RAB8B: variants seen among roughly 807,000 people sequenced by gnomAD.
The protein encoded by RAB8B is ras-related protein Rab-8B.
In RAB8B, 11 loss-of-function variants were observed where a neutral mutation model predicts 32.0. The ratio of observed to expected loss-of-function variants is 0.34; its 90% CI spans 0.22 to 0.57. RAB8B has a LOEUF of 0.57. RAB8B is among the 20% of genes least tolerant of loss of function. The pLI is 0.86. For synonymous variants in RAB8B, 103 were observed against 89.6 expected, an observed-to-expected ratio of 1.15 and a Z score of -0.85; for missense variants, 190 against 258.5, an observed-to-expected ratio of 0.73 and a Z score of 1.82.
Position 63,202,407 on chromosome 15 carries a change from A to G in RAB8B, c.124+12659A>G, listed in dbSNP as rs1022716125. Reference sequence around the variant, plus strand: ...TAATAGCTAATGCAAACATGCATCAAGTTCCCTCTTGGCCCCCAGAGGTCA... The same window carrying G: ...TAATAGCTAATGCAAACATGCATCAGGTTCCCTCTTGGCCCCCAGAGGTCA... On this transcript the variant is annotated intron_variant, in intron 1 of 7. Coordinates refer to ENST00000321437, the MANE Select transcript of RAB8B (RefSeq NM_016530.3). 7.9e-5 allele frequency among the ~76,000 whole-genome samples: 12 copies of G among 152,242 alleles called. No homozygotes were observed. The South Asian group carries it at 2.3e-3, about 29-fold the overall frequency.
intron 1 of RAB8B, 127 bp downstream of exon 1, chr15:63,189,875 G>C (rs891096424): frequency 8.8e-7 from 1 of 1,133,080 alleles, no homozygotes; most frequent in Admixed American, 3.6e-5. Flanking sequence ...GGTGGCGGGG[G>C]CACTGAGAGG....
chr15:63,237,163 A>T (rs1052496926), intron 1 of RAB8B, among the ~76,000 whole-genome samples: 1 of 152,210 alleles, frequency 6.6e-6, no homozygotes, highest in African/African-American at 2.4e-5. Context: ...GGATGCTTAG[A>T]TTGCTTCCAA....
At position 63,267,739 on chromosome 15, in the gene RAB8B, G is replaced by A. The variant is rs1057109050; in HGVS notation, c.*4120G>A. Reference sequence around the variant, plus strand: ...AGGTGAACTTTTTTTTTATAATAATGTTCGTCTAAAATAAAAACTACATAA... The same window carrying A: ...AGGTGAACTTTTTTTTTATAATAATATTCGTCTAAAATAAAAACTACATAA... On this transcript the variant is annotated 3_prime_UTR_variant, in exon 8 of 8. Transcript: ENST00000321437. The A allele has an allele frequency of 1.3e-5, 2 of 151,770 alleles. No individual in the cohort carries two copies. The highest frequency in any genetic ancestry group is 4.8e-5 in the African/African-American group (2 of 41,292). 9.4% of individuals were successfully genotyped at this position (151,770 alleles called of 1,614,324 possible).
chr15:63,249,756 A>G (rs762546552), intron 3 of RAB8B, 51 bp downstream of exon 3: 4 of 1,545,678 alleles, frequency 2.6e-6, no homozygotes, highest in Middle Eastern at 1.7e-4. Flanking sequence ...TAAAGCATGA[A>G]TGTTTGTTTG....
intron 1 of RAB8B, among the ~76,000 whole-genome samples, chr15:63,236,827 T>C (rs766259641): frequency 5.9e-5 from 9 of 152,208 alleles, no homozygotes; most frequent in Non-Finnish European, 8.8e-5. Flanking sequence ...TAGTCACCTA[T>C]TGTCCTAGCA....
rs1051266232 is a variant in RAB8B, at chr15:63,255,441, T to C, written c.247-66T>C. On this transcript the variant is annotated intron_variant, in intron 3 of 7. Coordinates refer to ENST00000321437, the MANE Select transcript of RAB8B (RefSeq NM_016530.3). ...AAGGTTTCTGGAGGGTAGGAGTACATTGACATTATATACTATAACTTTAAA... is the reference window on the plus strand; with the variant it reads ...AAGGTTTCTGGAGGGTAGGAGTACACTGACATTATATACTATAACTTTAAA... 3.6e-6 allele frequency: 4 copies of C among 1,102,406 alleles called. No homozygotes were observed. In the Admixed American group the frequency reaches 1.0e-4, roughly 28 times the overall value. The allele number at this position is 1,102,406 out of a possible 1,614,324, so 68.3% of individuals were successfully genotyped here.
intron 1 of RAB8B, among the ~76,000 whole-genome samples, chr15:63,233,518 A>T (rs1216640899): frequency 6.6e-6 from 1 of 152,194 alleles, no homozygotes; most frequent in Non-Finnish European, 1.5e-5. Context: ...ATTATCCTAA[A>T]ATCAGCTACT....
At chr15:63,238,586 A>T (rs939749356) in intron 1 of RAB8B, among the ~76,000 whole-genome samples, 4 of 152,182 alleles carry the variant, frequency 2.6e-5, no homozygotes, top group African/African-American at 9.7e-5. Flanking sequence ...ATGAGTATAC[A>T]GTTTGTCCTT....
chr15:63,208,134 A>G (rs1443276530), intron 1 of RAB8B, among the ~76,000 whole-genome samples: 5 of 152,218 alleles, frequency 3.3e-5, no homozygotes, highest in Admixed American at 3.3e-4. Context: ...CCACTGGAAT[A>G]CATCATCGTT....
At chr15:63,256,776 C>T (rs376656881) in intron 5 of RAB8B, among the ~76,000 whole-genome samples, 182 bp downstream of exon 5, 57 of 152,254 alleles carry the variant, frequency 3.7e-4, no homozygotes, top group African/African-American at 1.3e-3. Context: ...AGATCCAGCT[C>T]TCTATACTGT....
At chr15:63,242,195 C>T (rs533130866) in intron 1 of RAB8B, among the ~76,000 whole-genome samples, 1 of 151,756 alleles carries the variant, frequency 6.6e-6, no homozygotes, top group South Asian at 2.1e-4. Flanking sequence ...TTGCCTATTT[C>T]AAGACACAAG....
At chr15:63,193,834 T>A (rs1351248792) in intron 1 of RAB8B, among the ~76,000 whole-genome samples, 1 of 144,250 alleles carries the variant, frequency 6.9e-6, no homozygotes, top group Non-Finnish European at 1.5e-5. Context: ...AACAACAACA[T>A]CAAAAACATT....
intron 1 of RAB8B, among the ~76,000 whole-genome samples, chr15:63,216,234 AT>A (rs1212796355): frequency 7.5e-6 from 1 of 133,284 alleles, no homozygotes; most frequent in Admixed American, 7.9e-5. Flanking sequence ...ATTAATTATT[AT>A]TTTTTTTTTT....
intron 1 of RAB8B, among the ~76,000 whole-genome samples, chr15:63,231,664 T>C (rs549086609): frequency 3.3e-5 from 5 of 152,202 alleles, no homozygotes; most frequent in Non-Finnish European, 5.9e-5. Flanking sequence ...AGGTACACTT[T>C]ATCAGAAACA....
chr15:63,233,921 T>C (rs2037956344), intron 1 of RAB8B, among the ~76,000 whole-genome samples: 5 of 152,340 alleles, frequency 3.3e-5, no homozygotes, highest in African/African-American at 7.2e-5. Flanking sequence ...AAACCCAGCA[T>C]TGAAATCTTG....
At chr15:63,205,843 T>C (rs2037693945) in intron 1 of RAB8B, among the ~76,000 whole-genome samples, 1 of 152,344 alleles carries the variant, frequency 6.6e-6, no homozygotes, top group Non-Finnish European at 1.5e-5. Flanking sequence ...AGAGTTTTAC[T>C]TTCTAATAAA....
At position 63,265,833 on chromosome 15, in the gene RAB8B, T is replaced by A. The variant is rs930873408; in HGVS notation, c.*2214T>A. On this transcript the variant is annotated 3_prime_UTR_variant, in exon 8 of 8. Transcript: ENST00000321437. This position sits in a 1 kb window ranked among gnomAD's most constrained non-coding sequence, Gnocchi z 4.9. The stretch of plus-strand genomic sequence containing the variant: ...GGATTAATAACTAGTCTCCATGAAC[T>A]TCACTTGAAAGAGCCTGTAAAAGTT... 19 of 152,598 alleles carry A rather than the reference T, an allele frequency of 1.2e-4. No individual in the cohort carries two copies. The highest frequency in any genetic ancestry group is 1.0e-4 in the Non-Finnish European group (7 of 67,976). 9.5% of individuals were successfully genotyped at this position (152,598 alleles called of 1,614,324 possible).
At position 63,259,684 on chromosome 15, in the gene RAB8B, G is replaced by A. The variant is rs767773032; in HGVS notation, c.472G>A (p.Val158Ile). The change falls in exon 6 of 8, where the codon GTA becomes ATA. Residue 158 changes from valine to isoleucine, a missense_variant. Transcript: ENST00000321437. The surrounding 1 kb of genome is among the most constrained non-coding windows in gnomAD (Gnocchi z 4.4). ...GACAAGCGCAAAATCCAGTGCAAATGTAGAAGAGGTAAGAAGGAAACGTTT... is the reference window on the plus strand; with the variant it reads ...GACAAGCGCAAAATCCAGTGCAAATATAGAAGAGGTAAGAAGGAAACGTTT... Reference protein sequence around the residue: ...LETSAKSSANVEEAFFTLARD... With the variant: ...LETSAKSSANIEEAFFTLARD... 2 of 1,613,682 alleles carry A rather than the reference G, an allele frequency of 1.2e-6. No homozygotes were observed. The highest frequency in any genetic ancestry group is 1.7e-6 in the Non-Finnish European group (2 of 1,179,674).
intron 5 of RAB8B, among the ~76,000 whole-genome samples, chr15:63,257,856 C>T (rs965807254): frequency 4.0e-5 from 6 of 151,468 alleles, no homozygotes; most frequent in African/African-American, 7.3e-5. Flanking sequence ...GTCAGGAGTT[C>T]GAGACCAGCC....
Sources: allele counts gnomAD v4.1 joint callset (sites outside exome capture counted in the v4.1 genomes callset), GRCh38; gene constraint gnomAD v4.1.1; non-coding constraint Gnocchi (gnomAD v3.1); transcripts MANE v1.5; gene names NCBI Gene and HGNC (gene_info 2026-07-23, HGNC 2026-07-21).